MAJIN: variants seen among roughly 807,000 people sequenced by gnomAD.
MAJIN encodes membrane-anchored junction protein.
Under a neutral mutation model 30.2 loss-of-function variants are expected in MAJIN, and 27 were observed. The observed-to-expected ratio is 0.89, with a 90% confidence interval of 0.66 to 1.23. The LOEUF (loss-of-function observed/expected upper bound fraction) is 1.23, where lower values mean the gene tolerates loss of function less well. MAJIN is among the 50% of genes most tolerant of loss of function. The pLI, the probability that MAJIN is intolerant of heterozygous loss-of-function variation, is 0.00. For missense variants in MAJIN, 253 were observed against 260.3 expected, an observed-to-expected ratio of 0.97 and a Z score of 0.19; for synonymous variants, 78 against 91.6, an observed-to-expected ratio of 0.85 and a Z score of 0.85.
intron 10 of MAJIN, among the ~76,000 whole-genome samples, chr11:64,939,011 C>A (rs973743276): frequency 1.3e-5 from 2 of 152,214 alleles, no homozygotes; most frequent in African/African-American, 2.4e-5. Flanking sequence ...CTCACTGCAA[C>A]CTCTGCCTCC....
chr11:64,941,697 G>A (rs370817115), intron 8 of MAJIN, among the ~76,000 whole-genome samples: 1 of 152,112 alleles, frequency 6.6e-6, no homozygotes, highest in Non-Finnish European at 1.5e-5. Flanking sequence ...ACCACCCAAC[G>A]AATCCATATA....
At chr11:64,958,533 C>A (rs1945670949) in intron 3 of MAJIN, among the ~76,000 whole-genome samples, 1 of 149,884 alleles carries the variant, frequency 6.7e-6, no homozygotes, top group Non-Finnish European at 1.5e-5. Context: ...GTGGGAGGAT[C>A]CCTTGAGCCC....
chr11:64,945,545 CTTTTT>C (rs1290805686), intron 8 of MAJIN, among the ~76,000 whole-genome samples: 1 of 151,548 alleles, frequency 6.6e-6, no homozygotes, highest in Non-Finnish European at 1.5e-5. Context: ...GAGAGGATTT[CTTTTT>C]TTTAAGATGG....
intron 10 of MAJIN, among the ~76,000 whole-genome samples, chr11:64,939,025 G>A (rs929761937): frequency 6.6e-6 from 1 of 152,224 alleles, no homozygotes; most frequent in Non-Finnish European, 1.5e-5. Context: ...TGCCTCCCAG[G>A]TTAAAGTGAT....
At chr11:64,940,531 G>C in intron 9 of MAJIN, 43 bp downstream of exon 9, 1 of 1,570,664 alleles carries the variant, frequency 6.4e-7, no homozygotes, top group Non-Finnish European at 8.8e-7. Flanking sequence ...AAGGGAAAGG[G>C]TGATTATTAA....
At chr11:64,949,522 T>A (rs1437840158) in intron 6 of MAJIN, among the ~76,000 whole-genome samples, 1 of 152,172 alleles carries the variant, frequency 6.6e-6, no homozygotes, top group Non-Finnish European at 1.5e-5. Flanking sequence ...TCTTCACCAT[T>A]TCACAAGGGA....
intron 1 of MAJIN, among the ~76,000 whole-genome samples, chr11:64,970,570 T>C (rs1040808935): frequency 6.6e-6 from 1 of 151,288 alleles, no homozygotes; most frequent in Non-Finnish European, 1.5e-5. Flanking sequence ...TTTCACCATG[T>C]TGGCCAGGAT....
At chr11:64,966,769 A>T (rs992496439) in intron 1 of MAJIN, among the ~76,000 whole-genome samples, 1 of 151,814 alleles carries the variant, frequency 6.6e-6, no homozygotes, top group African/African-American at 2.4e-5. Flanking sequence ...CCCAGTCCCT[A>T]CTAAAAATAC....
At chr11:64,948,695 C>T (rs1181103192) in intron 6 of MAJIN, among the ~76,000 whole-genome samples, 3 of 107,532 alleles carry the variant, frequency 2.8e-5, no homozygotes, top group Non-Finnish European at 3.6e-5. Flanking sequence ...CTTGCTCTGC[C>T]GCCCAGGCTG....
At chr11:64,956,653 C>T (rs984791871) in intron 3 of MAJIN, among the ~76,000 whole-genome samples, 13 of 151,452 alleles carry the variant, frequency 8.6e-5, no homozygotes, top group Admixed American at 2.0e-4. Flanking sequence ...AAAAAACAAA[C>T]CCAAACTACG....
intron 3 of MAJIN, 44 bp downstream of exon 3, chr11:64,959,261 C>T: frequency 6.7e-7 from 1 of 1,496,944 alleles, no homozygotes. Flanking sequence ...TGCACTAGCA[C>T]TAACTGGTGT....
intron 1 of MAJIN, among the ~76,000 whole-genome samples, chr11:64,969,463 A>T (rs975370564): frequency 6.6e-6 from 1 of 151,968 alleles, no homozygotes; most frequent in Non-Finnish European, 1.5e-5. Flanking sequence ...AATAAAAAAA[A>T]AAAACGACAT....
intron 1 of MAJIN, among the ~76,000 whole-genome samples, chr11:64,965,757 C>G (rs1945796805): frequency 6.6e-6 from 1 of 152,054 alleles, no homozygotes; most frequent in South Asian, 2.1e-4. Context: ...GAGATCGATA[C>G]TATCCTGGCT....
intron 8 of MAJIN, among the ~76,000 whole-genome samples, chr11:64,942,336 G>A (rs112515366): frequency 0.046 from 6,971 of 151,922 alleles, 186 homozygotes; most frequent in Middle Eastern, 0.065. Context: ...TTACATGAAT[G>A]AGTTTTTTTA....
At chr11:64,949,619 C>A (rs1945517178) in intron 6 of MAJIN, 124 bp downstream of exon 6, 2 of 1,262,524 alleles carry the variant, frequency 1.6e-6, no homozygotes, top group Non-Finnish European at 2.2e-6. Context: ...TGGCCTGGAG[C>A]ACATGATCCT....
intron 4 of MAJIN, among the ~76,000 whole-genome samples, chr11:64,951,148 G>C (rs1177614032): frequency 6.6e-6 from 1 of 152,100 alleles, no homozygotes; most frequent in Non-Finnish European, 1.5e-5. Flanking sequence ...ATATACACCT[G>C]ACTTATCTTA....
intron 8 of MAJIN, chr11:64,946,097 G>A (rs1223598126): frequency 3.3e-6 from 5 of 1,534,806 alleles, no homozygotes; most frequent in Non-Finnish European, 4.4e-6. Flanking sequence ...TACTCTCCTG[G>A]TTTCCACAGG....
intron 4 of MAJIN, 139 bp from the exon 5 acceptor site, chr11:64,950,569 T>C: frequency 1.4e-6 from 1 of 706,000 alleles, no homozygotes. Context: ...GTTCTGATTC[T>C]CCATTTCTTT....
rs79351314 is a variant in MAJIN at position 64,968,020 on chromosome 11, C to T, written c.-65+3857G>A. On this transcript the variant is annotated intron_variant, in intron 1 of 10. Transcript: ENST00000301896. ...CCTTCATGGAAAGGAGCAACGATCA[C>T]GGGGAAAAGCATTCCAAGCAGAAAA... Among the ~76,000 whole-genome samples the T allele has an allele frequency of 3.9e-5, 6 of 151,918 alleles. No individual in the cohort carries two copies. In the East Asian group the frequency reaches 7.8e-4, roughly 20 times the overall value.
Sources: gnomAD v4.1 joint callset for allele counts (sites outside exome capture counted in the v4.1 genomes callset) on GRCh38, gnomAD v4.1.1 for gene constraint, MANE v1.5 for transcripts, NCBI Gene and HGNC (gene_info 2026-07-23, HGNC 2026-07-21) for gene names.